The following UMODL1 variants were observed in gnomAD, a reference collection of about 807,000 sequenced individuals.
UMODL1 encodes the protein uromodulin-like 1.
UMODL1 carries 128 observed loss-of-function variants against 136.3 expected under a neutral mutation model. That is an observed-to-expected ratio of 0.94 (90% CI 0.81 to 1.09). UMODL1 has a LOEUF of 1.09. Among genes scored for constraint, UMODL1 ranks in the 50% least tolerant of loss-of-function variants. The pLI, the probability that UMODL1 is intolerant of heterozygous loss-of-function variation, is 0.00. For missense variants in UMODL1, 1,766 were observed against 1,725.6 expected (o/e 1.02, Z -0.41); for synonymous variants, 721 against 720.0 (o/e 1.00, Z -0.02).
intron 4 of UMODL1, among the ~76,000 whole-genome samples, chr21:42,087,026 G>C (rs752254002): frequency 1.4e-4 from 21 of 152,212 alleles, no homozygotes; most frequent in Non-Finnish European, 1.5e-4. Context: ...ACAGGGCCAT[G>C]AGCTTAAATC....
chr21:42,109,064 GTGTT>G (rs1341204485), intron 9 of UMODL1, among the ~76,000 whole-genome samples: 1 of 106,706 alleles, frequency 9.4e-6, no homozygotes, highest in African/African-American at 3.9e-5. Context: ...TGGAAAGCTG[GTGTT>G]ATACTCCGCT....
At chr21:42,135,613 G>A (rs569119653) in intron 21 of UMODL1, among the ~76,000 whole-genome samples, 1 of 152,350 alleles carries the variant, frequency 6.6e-6, no homozygotes, top group African/African-American at 2.4e-5. Flanking sequence ...CGAGGCCCAG[G>A]AGGAAGGTCC....
Position 42,116,513 on chromosome 21 carries a change from GCA to G in UMODL1, c.2475+531_2475+532del, listed in dbSNP as rs374970768. On this transcript the variant is annotated intron_variant, in intron 14 of 22. Transcript: ENST00000408910. ...CGAAGACACGGTTAGCAGACAGGAG[GCA>G]CAACTCTTCCTCTGCTGCATCCTTA... is the stretch of plus-strand genomic sequence containing the variant. 2.9e-3 allele frequency among the ~76,000 whole-genome samples: 435 copies of G among 152,302 alleles called. 3 individuals are homozygous for G. The highest frequency in any genetic ancestry group is 1.0e-2 in the African/African-American group (414 of 41,566).
At chr21:42,128,743 G>A (rs542056183) in intron 20 of UMODL1, among the ~76,000 whole-genome samples, 40 of 152,322 alleles carry the variant, frequency 2.6e-4, no homozygotes, top group African/African-American at 8.4e-4. Context: ...GCCAGGCTTC[G>A]TCTCTGCAGG....
intron 4 of UMODL1, chr21:42,086,715 C>T (rs1384655355): frequency 4.5e-6 from 2 of 442,060 alleles, no homozygotes; most frequent in East Asian, 1.4e-4. Flanking sequence ...CTTGTAATCC[C>T]AGCACTTTGG....
At chr21:42,127,893 G>A (rs565475892) in intron 20 of UMODL1, 62 bp downstream of exon 20, 116 of 1,602,966 alleles carry the variant, frequency 7.2e-5, no homozygotes, top group Middle Eastern at 1.7e-4. Context: ...GTTACGGTTC[G>A]AGGCTCTGTT....
At chr21:42,121,045 C>T (rs773528006) in intron 15 of UMODL1, 42 bp from the exon 16 acceptor site, 16 of 1,587,820 alleles carry the variant, frequency 1.0e-5, no homozygotes, top group Non-Finnish European at 1.4e-5. Flanking sequence ...ACCACAAGCC[C>T]CCAGGGATGT....
At chr21:42,088,981 A>G (rs2066460001) in intron 5 of UMODL1, among the ~76,000 whole-genome samples, 1 of 152,100 alleles carries the variant, frequency 6.6e-6, no homozygotes, top group African/African-American at 2.4e-5. Context: ...CAAAGCACAT[A>G]GACGTGGCCT....
intron 5 of UMODL1, 57 bp downstream of exon 5, chr21:42,088,537 C>T: frequency 6.6e-7 from 1 of 1,505,410 alleles, no homozygotes; most frequent in Non-Finnish European, 9.0e-7. Context: ...CCTGAACAGC[C>T]AAAATGCAAG....
At chr21:42,076,916 T>C (rs1313343952) in intron 2 of UMODL1, among the ~76,000 whole-genome samples, 2 of 152,068 alleles carry the variant, frequency 1.3e-5, no homozygotes, top group African/African-American at 4.8e-5. Flanking sequence ...TGTGTGGTTA[T>C]GCCAGGCCAG....
intron 14 of UMODL1, 152 bp downstream of exon 14, chr21:42,116,137 C>T (rs1158099940): frequency 2.2e-5 from 8 of 355,672 alleles, no homozygotes; most frequent in Admixed American, 5.1e-5. Context: ...GAGTTCAAGA[C>T]CAGCCTGGGC....
In UMODL1 at chr21:42,122,937, C is replaced by A. The variant is rs1440537618; in HGVS notation, c.2934C>A (p.Gly978=). The change falls in exon 17 of 23, where the codon GGC becomes GGA. Residue 978 remains glycine, a synonymous_variant. Transcript: ENST00000408910. The surrounding 1 kb of genome is among the most constrained non-coding windows in gnomAD (Gnocchi z 4.3). ...FVQGTSPTPQ[G]LPQRLNLTGA... ...AAGGCACCAGCCCCACCCCCCAAGG[C>A]CTGCCCCAGCGGCTGAACCTGACCG... is the stretch of plus-strand genomic sequence containing the variant. The A allele has an allele frequency of 6.2e-7, 1 of 1,613,850 alleles. No individual in the cohort carries two copies. The highest frequency in any genetic ancestry group is 1.7e-5 in the Admixed American group (1 of 60,006).
At chr21:42,078,859 G>C (rs2066326627) in intron 2 of UMODL1, among the ~76,000 whole-genome samples, 2 of 152,242 alleles carry the variant, frequency 1.3e-5, no homozygotes, top group African/African-American at 4.8e-5. Flanking sequence ...CTGGTCTAAG[G>C]AGACCCTTCC....
At chr21:42,142,033 T>TA (rs2067289239) in intron 22 of UMODL1, 63 bp from the exon 23 acceptor site, 3 of 152,186 alleles carry the variant, frequency 2.0e-5, no homozygotes, top group Admixed American at 2.0e-4. Flanking sequence ...TCCTGGGGTT[T>TA]TCTGTATTAA....
intron 3 of UMODL1, among the ~76,000 whole-genome samples, chr21:42,084,692 G>C (rs2066404927): frequency 6.6e-6 from 1 of 151,666 alleles, no homozygotes; most frequent in Admixed American, 6.6e-5. Flanking sequence ...CTGCATCCAG[G>C]AGAATGGGAG....
In UMODL1 at chr21:42,090,379, G is replaced by A. The variant is rs2066477473; in HGVS notation, c.872G>A (p.Cys291Tyr). 1 of 1,614,038 alleles carries A rather than the reference G, an allele frequency of 6.2e-7. No homozygotes were observed. Among genetic ancestry groups the A allele is most frequent in the Non-Finnish European group, 8.5e-7 (1 of 1,179,966 alleles). ...GCAAACCTGGAGGGCTCGTACTGGT[G>A]CGTCTGTCACCAGGAAGCTCCAGCC... Reference protein sequence around the residue: ...LCANLEGSYWCVCHQEAPATS... With the variant: ...LCANLEGSYWYVCHQEAPATS... Residue 291 changes from cysteine to tyrosine, a missense_variant, in exon 6 of 23, where the codon TGC (cysteine) becomes TAC (tyrosine). By Grantham distance (194) the Cys-to-Tyr change is radical. Transcript: ENST00000408910.
intron 17 of UMODL1, among the ~76,000 whole-genome samples, chr21:42,125,177 G>C (rs1364224699): frequency 6.6e-6 from 1 of 152,222 alleles, no homozygotes; most frequent in Non-Finnish European, 1.5e-5. Flanking sequence ...TGGGAACCGG[G>C]TGGACGTCCT....
rs1266980640 is a variant in UMODL1, at chr21:42,122,492, C to A, written c.2828-339C>A. Among the ~76,000 whole-genome samples the A allele has an allele frequency of 6.6e-6, 1 of 152,210 alleles. No homozygotes were observed. Among genetic ancestry groups the A allele is most frequent in the African/African-American group, 2.4e-5 (1 of 41,456 alleles). On this transcript the variant is annotated intron_variant, in intron 16 of 22. Coordinates refer to ENST00000408910, the MANE Select transcript of UMODL1 (RefSeq NM_001004416.3). The surrounding 1 kb of genome is among the most constrained non-coding windows in gnomAD (Gnocchi z 4.3). ...CCTCGGTCCTTGGCCCTCGGGGGCC[C>A]ATGGTGAGCCTGGATCCCTGAGCTG...
chr21:42,101,875 C>A, intron 7 of UMODL1: 2 of 394,626 alleles, frequency 5.1e-6, no homozygotes, highest in East Asian at 1.3e-4. Flanking sequence ...AGCAGCCACC[C>A]CACGGGAAAG....
Sources: allele counts gnomAD v4.1 joint callset (sites outside exome capture counted in the v4.1 genomes callset), GRCh38; gene constraint gnomAD v4.1.1; non-coding constraint Gnocchi (gnomAD v3.1); transcripts MANE v1.5; gene names NCBI Gene and HGNC (gene_info 2026-07-23, HGNC 2026-07-21).